OSBPL2: variants seen among roughly 807,000 people sequenced by gnomAD.
OSBPL2 encodes the protein oxysterol-binding protein-related protein 2.
OSBPL2 carries 18 observed loss-of-function variants against 58.4 expected under a neutral mutation model. The ratio of observed to expected loss-of-function variants is 0.31; its 90% CI spans 0.21 to 0.46. The LOEUF (loss-of-function observed/expected upper bound fraction) is 0.46, where lower values mean the gene tolerates loss of function less well. OSBPL2 is among the 20% of genes least tolerant of loss of function. OSBPL2 has a pLI of 1.00. For missense variants in OSBPL2, 461 were observed against 616.5 expected (o/e 0.75, Z 2.67); for synonymous variants, 221 against 234.1 (o/e 0.94, Z 0.51).
chr20:62,262,086 C>G (rs1046859332), intron 3 of OSBPL2, among the ~76,000 whole-genome samples: 3 of 147,936 alleles, frequency 2.0e-5, no homozygotes, highest in Non-Finnish European at 3.0e-5. Flanking sequence ...GATCTGGACC[C>G]CCCCCCCACC....
chr20:62,273,118 G>A (rs1438018584), intron 5 of OSBPL2, among the ~76,000 whole-genome samples, 191 bp from the exon 6 acceptor site: 3 of 152,194 alleles, frequency 2.0e-5, no homozygotes, highest in African/African-American at 7.2e-5. Context: ...GCTGTCGGGG[G>A]AGTGGCGGGT....
intron 1 of OSBPL2, among the ~76,000 whole-genome samples, chr20:62,250,506 T>A (rs1484734196): frequency 3.3e-5 from 5 of 152,218 alleles, no homozygotes; most frequent in Admixed American, 3.3e-4. Flanking sequence ...GACATCGGTG[T>A]CTCAGTTGTC....
At chr20:62,275,403 CTT>C (rs113767931) in intron 6 of OSBPL2, among the ~76,000 whole-genome samples, 10 of 145,260 alleles carry the variant, frequency 6.9e-5, no homozygotes, top group Admixed American at 1.4e-4. Flanking sequence ...TTTCTTGTTC[CTT>C]TTTTTTTTTT....
intron 10 of OSBPL2, 120 bp from the exon 11 acceptor site, chr20:62,286,459 AAAAG>A: frequency 8.8e-7 from 1 of 1,142,530 alleles, no homozygotes; most frequent in Non-Finnish European, 1.2e-6. Context: ...GAAAAAAAAA[AAAAG>A]GAGAAGGCTG....
At chr20:62,279,980 A>G (rs1307999989) in intron 7 of OSBPL2, 12 of 1,303,746 alleles carry the variant, frequency 9.2e-6, no homozygotes, top group Admixed American at 2.3e-5. Context: ...ACCCCTCTTC[A>G]CTCTCAGCCT....
chr20:62,259,908 A>C, intron 2 of OSBPL2, 73 bp from the exon 3 acceptor site: 1 of 1,391,144 alleles, frequency 7.2e-7, no homozygotes, highest in Non-Finnish European at 1.0e-6. Context: ...TTGCATAGTC[A>C]GAATTCTTGG....
At chr20:62,267,652 G>A (rs185654000) in intron 4 of OSBPL2, among the ~76,000 whole-genome samples, 1 of 152,214 alleles carries the variant, frequency 6.6e-6, no homozygotes, top group Non-Finnish European at 1.5e-5. Flanking sequence ...TAACCTCTGC[G>A]GCCTCATGTC....
intron 1 of OSBPL2, among the ~76,000 whole-genome samples, chr20:62,244,000 A>G (rs1979919366): frequency 2.0e-5 from 3 of 152,056 alleles, no homozygotes; most frequent in African/African-American, 2.4e-5. Context: ...CAGGTTTCTC[A>G]GCACAGTGGA....
At chr20:62,266,919 C>G (rs891884482) in intron 4 of OSBPL2, among the ~76,000 whole-genome samples, 5 of 152,230 alleles carry the variant, frequency 3.3e-5, no homozygotes, top group Admixed American at 3.3e-4. Context: ...TTGTGTCCCT[C>G]TGTCAGGAAG....
chr20:62,279,871 C>T, intron 7 of OSBPL2: 1 of 1,066,346 alleles, frequency 9.4e-7, no homozygotes, highest in South Asian at 1.5e-5. Context: ...GGGAAGTGGC[C>T]CTTTGCACAC....
intron 3 of OSBPL2, 41 bp from the exon 4 acceptor site, chr20:62,263,575 G>C (rs905170520): frequency 1.3e-6 from 2 of 1,511,718 alleles, no homozygotes; most frequent in Non-Finnish European, 1.8e-6. Context: ...TCAGAGTCCT[G>C]TGTTGAATTC....
chr20:62,265,107 T>G lies in OSBPL2; in HGVS notation c.258+1416T>G, dbSNP rs895601190. ...AGACACTTGGATTCTGCTTGCCAAT[T>G]GTAGCATCCATTGGTGGGTTTTACT... On this transcript the variant is annotated intron_variant, in intron 4 of 13. Transcript: ENST00000313733. Among the ~76,000 whole-genome samples, 22 of 152,198 alleles carry G rather than the reference T, an allele frequency of 1.4e-4. 1 individual carries two copies. The highest frequency in any genetic ancestry group is 1.2e-3 in the Admixed American group (19 of 15,266).
Position 62,279,167 on chromosome 20 carries a change from G to A in OSBPL2, c.502G>A (p.Gly168Arg). Residue 168 changes from glycine (G) to arginine (R), a missense_variant, in exon 7 of 14, where the codon GGA (glycine) becomes AGA (arginine). Coordinates refer to ENST00000313733, the MANE Select transcript of OSBPL2 (RefSeq NM_144498.4). ...ETYELIREDLGFRFISEQVSH... is the reference protein window; with the variant it reads ...ETYELIREDLRFRFISEQVSH... ...TATTCTTTGACCTAGGGAAGATTTA[G>A]GATTCAGATTTATATCGGAACAGGT... is the stretch of plus-strand genomic sequence containing the variant. 1.2e-6 allele frequency: 2 copies of A among 1,609,356 alleles called. No individual in the cohort carries two copies. Among genetic ancestry groups the A allele is most frequent in the Non-Finnish European group, 1.7e-6 (2 of 1,177,306 alleles).
At chr20:62,260,565 T>G (rs772057707) in intron 3 of OSBPL2, among the ~76,000 whole-genome samples, 4 of 152,196 alleles carry the variant, frequency 2.6e-5, no homozygotes, top group African/African-American at 4.8e-5. Context: ...TGCAGTGTGT[T>G]CAGCTCTGAC....
intron 2 of OSBPL2, among the ~76,000 whole-genome samples, chr20:62,256,478 A>G (rs568891090): frequency 4.0e-4 from 61 of 152,314 alleles, no homozygotes; most frequent in African/African-American, 1.4e-3. Flanking sequence ...GTCTCCTGAG[A>G]TAGCCATCTT....
chr20:62,264,580 CAGAGGGAACTTCACTT>C (rs1981545230), intron 4 of OSBPL2: 1 of 151,792 alleles, frequency 6.6e-6, no homozygotes, highest in African/African-American at 2.4e-5. Context: ...TTTTTTTTTC[CAGAGGGAACTTCACTT>C]TTTCTTAACT....
At chr20:62,260,201 G>T (rs1027898645) in intron 3 of OSBPL2, 76 bp downstream of exon 3, 3 of 1,414,666 alleles carry the variant, frequency 2.1e-6, no homozygotes, top group Admixed American at 3.8e-5. Context: ...GTACCCCTCA[G>T]CCCTCACGAG....
chr20:62,272,339 C>G lies in OSBPL2; in HGVS notation c.393+80C>G. ...TGTCTGGCCACACAGTCTTGGGGCC[C>G]CAGGCATCTGTGAGGACTCGCACAG... On this transcript the variant is annotated intron_variant, in intron 5 of 13. Transcript: ENST00000313733. 3 of 1,522,050 alleles carry G rather than the reference C, an allele frequency of 2.0e-6. No homozygotes were observed. The South Asian group carries it at 3.5e-5, about 18-fold the overall frequency. The allele number at this position is 1,522,050 out of a possible 1,614,324, so 94.3% of individuals were successfully genotyped here.
intron 2 of OSBPL2, among the ~76,000 whole-genome samples, chr20:62,258,514 G>C (rs1981084309): frequency 6.6e-6 from 1 of 152,198 alleles, no homozygotes; most frequent in South Asian, 2.1e-4. Context: ...TAAAAACAAG[G>C]GTTTCCGAGG....
Sources: allele counts gnomAD v4.1 joint callset (sites outside exome capture counted in the v4.1 genomes callset), GRCh38; gene constraint gnomAD v4.1.1; transcripts MANE v1.5; gene names NCBI Gene and HGNC (gene_info 2026-07-23, HGNC 2026-07-21).